The following RBFOX1 variants were observed in gnomAD, a reference collection of about 807,000 sequenced individuals.
RBFOX1 encodes the protein RNA binding fox-1 homolog 1, also known as RNA binding protein fox-1 homolog 1.
RBFOX1 carries 8 observed loss-of-function variants against 57.7 expected under a neutral mutation model. That is an observed-to-expected ratio of 0.14 (90% CI 0.08 to 0.25). The LOEUF (loss-of-function observed/expected upper bound fraction) is 0.25. Ranked by LOEUF, RBFOX1 falls within the 10% of genes least tolerant of loss-of-function variation. The probability of loss-of-function intolerance (pLI) is 1.00; values close to 1 mark genes in which losing one functional copy is unlikely to be tolerated. For missense variants in RBFOX1, 611 were observed against 548.5 expected (o/e 1.11, Z -1.14); for synonymous variants, 326 against 222.4 (o/e 1.47, Z -4.15).
At chr16:7,084,767 A>C (rs1341180057) in intron 4 of RBFOX1, among the ~76,000 whole-genome samples, 1 of 152,234 alleles carries the variant, frequency 6.6e-6, no homozygotes, top group Non-Finnish European at 1.5e-5. Flanking sequence ...GAGTGAATGT[A>C]AAATGTACAC....
At chr16:6,942,377 C>T (rs560802176) in intron 3 of RBFOX1, among the ~76,000 whole-genome samples, 88 of 152,254 alleles carry the variant, frequency 5.8e-4, no homozygotes, top group Middle Eastern at 3.4e-3. Context: ...CCAGGCTGAT[C>T]TCGAACCCTT....
chr16:6,200,479 C>T (rs564118732), intron 1 of RBFOX1, among the ~76,000 whole-genome samples: 6 of 151,928 alleles, frequency 3.9e-5, no homozygotes, highest in Non-Finnish European at 7.4e-5. Flanking sequence ...ATCAGTTTTG[C>T]GATAACACAA....
At chr16:7,380,916 G>A (rs1445815716) in intron 4 of RBFOX1, among the ~76,000 whole-genome samples, 2 of 152,180 alleles carry the variant, frequency 1.3e-5, no homozygotes, top group Non-Finnish European at 2.9e-5. Context: ...CCTCCGTAAA[G>A]TGTAAAGGGG....
intron 10 of RBFOX1, among the ~76,000 whole-genome samples, chr16:7,616,729 A>G (rs2058506703): frequency 6.6e-6 from 1 of 152,084 alleles, no homozygotes; most frequent in Non-Finnish European, 1.5e-5. Flanking sequence ...ATGGGCTTTC[A>G]TCACGTTAGC....
intron 2 of RBFOX1, among the ~76,000 whole-genome samples, chr16:5,477,469 C>G (rs761890779): frequency 1.3e-5 from 2 of 152,176 alleles, no homozygotes; most frequent in Non-Finnish European, 2.9e-5. Context: ...TACCAGGTGG[C>G]CCAGACTGTC....
intron 1 of RBFOX1, among the ~76,000 whole-genome samples, chr16:6,241,168 C>A (rs915763022): frequency 1.3e-5 from 2 of 152,154 alleles, no homozygotes; most frequent in African/African-American, 2.4e-5. Flanking sequence ...AACGCCCCTG[C>A]CAGAGATAAA....
At chr16:7,460,962 A>G (rs1308056977) in intron 4 of RBFOX1, among the ~76,000 whole-genome samples, 1 of 152,154 alleles carries the variant, frequency 6.6e-6, no homozygotes, top group Admixed American at 6.6e-5. Flanking sequence ...AATAATCAAG[A>G]TTGATCTCCT....
chr16:7,450,412 A>AAG (rs1567227835), intron 4 of RBFOX1, among the ~76,000 whole-genome samples: 2 of 151,214 alleles, frequency 1.3e-5, no homozygotes, highest in Non-Finnish European at 1.5e-5. Flanking sequence ...AAAAAAAAAA[A>AAG]AAGGAGAAAC....
At chr16:6,625,157 TAAAAAAAAAAAAAA>T (rs34634402) in intron 2 of RBFOX1, among the ~76,000 whole-genome samples, 1 of 56,326 alleles carries the variant, frequency 1.8e-5, no homozygotes, top group Non-Finnish European at 3.0e-5. Flanking sequence ...CAACCCTATC[TAAAAAAAAAAAAAA>T]AAAAAAAAAA....
At chr16:6,067,014 G>A (rs1008403770) in intron 1 of RBFOX1, among the ~76,000 whole-genome samples, 4 of 152,100 alleles carry the variant, frequency 2.6e-5, no homozygotes, top group African/African-American at 7.2e-5. Context: ...TATCAACACG[G>A]CACAGTTTAA....
At chr16:6,291,845 C>A (rs1433116396) in intron 1 of RBFOX1, among the ~76,000 whole-genome samples, 1 of 152,128 alleles carries the variant, frequency 6.6e-6, no homozygotes, top group African/African-American at 2.4e-5. Context: ...ATGTTCTTAA[C>A]TTTGGCAAGT....
intron 4 of RBFOX1, among the ~76,000 whole-genome samples, chr16:7,485,804 G>A (rs1401062614): frequency 2.0e-5 from 3 of 152,108 alleles, no homozygotes; most frequent in Non-Finnish European, 4.4e-5. Flanking sequence ...GTGGCTCTCC[G>A]AGTCCACTTG....
At chr16:7,352,334 A>G (rs990970642) in intron 4 of RBFOX1, among the ~76,000 whole-genome samples, 1 of 152,178 alleles carries the variant, frequency 6.6e-6, no homozygotes, top group African/African-American at 2.4e-5. Context: ...GGGCCTGATG[A>G]TGACCAAGTC....
Position 7,512,706 on chromosome 16 carries a change from C to G in RBFOX1, c.28-5441C>G, listed in dbSNP as rs561840631. 2.6e-5 allele frequency among the ~76,000 whole-genome samples: 4 copies of G among 152,322 alleles called. 1 individual carries two copies. The highest frequency in any genetic ancestry group is 9.6e-5 in the African/African-American group (4 of 41,582). ...TAGAGGTGGGTGGCTTGCTTTGGCACCAGTGGTGCCCCCAGCTGGCCCTTG... is the reference window on the plus strand; with the variant it reads ...TAGAGGTGGGTGGCTTGCTTTGGCAGCAGTGGTGCCCCCAGCTGGCCCTTG... On this transcript the variant is annotated intron_variant, in intron 4 of 15. Coordinates refer to ENST00000550418, the MANE Select transcript of RBFOX1 (RefSeq NM_018723.4).
chr16:5,798,023 T>A (rs1024986658), intron 3 of RBFOX1, among the ~76,000 whole-genome samples: 2 of 152,214 alleles, frequency 1.3e-5, no homozygotes, highest in Non-Finnish European at 1.5e-5. Flanking sequence ...TGGGAATATA[T>A]AAAGCAGACA....
intron 1 of RBFOX1, among the ~76,000 whole-genome samples, chr16:6,118,786 T>TTTCTCTCTCTCC: frequency 6.8e-6 from 1 of 148,108 alleles, no homozygotes; most frequent in East Asian, 2.0e-4. Flanking sequence ...TCTCCCTCTC[T>TTTCTCTCTCTCC]TTCTCTCTCT....
chr16:5,411,848 A>G (rs779585785), intron 1 of RBFOX1, among the ~76,000 whole-genome samples: 23 of 152,072 alleles, frequency 1.5e-4, no homozygotes, highest in Non-Finnish European at 2.9e-4. Context: ...GCACCACTGC[A>G]CTCCAGCCTG....
In RBFOX1 at chr16:6,266,946, G is replaced by T. The variant is rs549903389; in HGVS notation, c.-126-50049G>T. Among the ~76,000 whole-genome samples the T allele has an allele frequency of 2.0e-3, 311 of 152,210 alleles. 1 individual carries two copies. The highest frequency in any genetic ancestry group is 7.2e-3 in the African/African-American group (299 of 41,512). ...CTCTTAGCAGAGTGCCTTATGATTGGCATTCAGTAAATCACTGTGACTGAA... is the reference window on the plus strand; with the variant it reads ...CTCTTAGCAGAGTGCCTTATGATTGTCATTCAGTAAATCACTGTGACTGAA... On this transcript the variant is annotated intron_variant, in intron 1 of 15. Transcript: ENST00000550418.
rs115484550 is a variant in RBFOX1 at position 5,478,284 on chromosome 16, G to A, written c.258+11030G>A. ...TCACATTGTCCGATCCAAGCTGCCA[G>A]ACGGTTAGAGTGGGCTAGCAGAGGA... On this transcript the variant is annotated intron_variant, in intron 2 of 2. Transcript: ENST00000585867. Among the ~76,000 whole-genome samples the A allele has an allele frequency of 5.0e-3, 766 of 152,006 alleles. 3 individuals carry two copies. Among genetic ancestry groups the A allele is most frequent in the African/African-American group, 0.018 (723 of 41,302 alleles).
Sources: allele counts gnomAD v4.1 joint callset (sites outside exome capture counted in the v4.1 genomes callset), GRCh38; gene constraint gnomAD v4.1.1; transcripts MANE v1.5; gene names NCBI Gene and HGNC (gene_info 2026-07-23, HGNC 2026-07-21).